LPXN: variants seen among roughly 807,000 people sequenced by gnomAD.
LPXN encodes leupaxin.
LPXN carries 28 observed loss-of-function variants against 45.6 expected under a neutral mutation model. The ratio of observed to expected loss-of-function variants is 0.61; its 90% CI spans 0.45 to 0.84. The LOEUF is 0.84. LPXN is among the 40% of genes least tolerant of loss of function. The probability of loss-of-function intolerance (pLI) is 0.00; values close to 1 mark genes in which losing one functional copy is unlikely to be tolerated. For synonymous variants in LPXN, 166 were observed against 169.9 expected, an observed-to-expected ratio of 0.98 and a Z score of 0.18; for missense variants, 459 against 475.0, an observed-to-expected ratio of 0.97 and a Z score of 0.31.
chr11:58,565,037 C>T (rs1854487181), intron 2 of LPXN, among the ~76,000 whole-genome samples: 1 of 152,038 alleles, frequency 6.6e-6, no homozygotes, highest in Admixed American at 6.6e-5. Context: ...AGTAAAGGGG[C>T]CAGATCATAC....
intron 7 of LPXN, among the ~76,000 whole-genome samples, chr11:58,549,417 C>T (rs1853972599): frequency 6.6e-6 from 1 of 151,888 alleles, no homozygotes; most frequent in African/African-American, 2.4e-5. Flanking sequence ...AAAAAACAAA[C>T]AACAACAACA....
intron 5 of LPXN, 77 bp downstream of exon 5, chr11:58,550,988 T>C: frequency 7.5e-7 from 1 of 1,339,222 alleles, no homozygotes; most frequent in South Asian, 1.7e-5. Context: ...TCTTAAAATA[T>C]AAGGGGAAAG....
In LPXN at chr11:58,562,928, G is replaced by C. The variant is rs561111582; in HGVS notation, c.218+1227C>G. On this transcript the variant is annotated intron_variant, in intron 3 of 8. Transcript: ENST00000395074. ...TCCTGGAGCCTGGAAAACCCAAGGGGTCAGCTCCCCTGGAATACAGAGCAA... is the reference window on the plus strand; with the variant it reads ...TCCTGGAGCCTGGAAAACCCAAGGGCTCAGCTCCCCTGGAATACAGAGCAA... 2.0e-5 allele frequency among the ~76,000 whole-genome samples: 3 copies of C among 152,262 alleles called. No individual in the cohort carries two copies. In the South Asian group the frequency reaches 6.2e-4, roughly 32 times the overall value.
intron 3 of LPXN, among the ~76,000 whole-genome samples, chr11:58,563,911 T>C (rs900850375): frequency 2.0e-5 from 3 of 152,162 alleles, no homozygotes; most frequent in African/African-American, 4.8e-5. Flanking sequence ...TACACTTCTT[T>C]AGGTGGTAAT....
intron 7 of LPXN, among the ~76,000 whole-genome samples, chr11:58,537,748 C>A (rs909120900): frequency 6.6e-6 from 1 of 152,002 alleles, no homozygotes; most frequent in South Asian, 2.1e-4. Flanking sequence ...AAAGACAAAA[C>A]AAGCTACAAA....
At chr11:58,562,384 C>T (rs1222308658) in intron 3 of LPXN, among the ~76,000 whole-genome samples, 3 of 152,074 alleles carry the variant, frequency 2.0e-5, no homozygotes, top group African/African-American at 7.2e-5. Context: ...TATATGCTAG[C>T]CTTGCCAGCT....
At chr11:58,527,972 T>C in intron 8 of LPXN, 71 bp downstream of exon 8, 2 of 1,527,918 alleles carry the variant, frequency 1.3e-6, no homozygotes, top group East Asian at 2.3e-5. Context: ...TTTCACTAAC[T>C]GCAGCTCTTC....
chr11:58,578,579 C>T (rs531472250), upstream of LPXN, among the ~76,000 whole-genome samples: 1 of 152,320 alleles, frequency 6.6e-6, no homozygotes, highest in South Asian at 2.1e-4. Context: ...CTTCTCCGCG[C>T]AAGATCTGGC....
chr11:58,576,409 G>A (rs1049705900), upstream of LPXN, among the ~76,000 whole-genome samples: 2 of 152,110 alleles, frequency 1.3e-5, no homozygotes, highest in East Asian at 1.9e-4. Context: ...ACATCTATAG[G>A]GTGGTCACAA....
chr11:58,574,742 T>C (rs1186115778), intron 1 of LPXN, among the ~76,000 whole-genome samples: 1 of 152,200 alleles, frequency 6.6e-6, no homozygotes, highest in Non-Finnish European at 1.5e-5. Context: ...CAGTTTGATA[T>C]TTATTAAACA....
In LPXN at chr11:58,528,196, A is replaced by G. The variant is rs757379984; in HGVS notation, c.743-5T>C. 3.1e-6 allele frequency: 5 copies of G among 1,612,966 alleles called. No homozygotes were observed. Among genetic ancestry groups the G allele is most frequent in the Non-Finnish European group, 4.2e-6 (5 of 1,179,176 alleles). On this transcript the variant is annotated splice_region_variant and splice_polypyrimidine_tract_variant and intron_variant, in intron 7 of 8. Transcript: ENST00000395074. ...TCTTGTCCTTCTCATGAAAGCCTGGAGAGATAAAATCAGGAATTCACTGTT... is the reference window on the plus strand; with the variant it reads ...TCTTGTCCTTCTCATGAAAGCCTGGGGAGATAAAATCAGGAATTCACTGTT...
chr11:58,578,121 C>G, upstream of LPXN: 1 of 1,517,332 alleles, frequency 6.6e-7, no homozygotes, highest in Non-Finnish European at 8.8e-7. Flanking sequence ...TACGCAGACA[C>G]CCCGAGAAAG....
chr11:58,572,650 T>C (rs923315574), intron 1 of LPXN, among the ~76,000 whole-genome samples: 2 of 152,264 alleles, frequency 1.3e-5, no homozygotes, highest in East Asian at 1.9e-4. Flanking sequence ...GGTGTGATAA[T>C]GGTATTTTAC....
intron 7 of LPXN, among the ~76,000 whole-genome samples, chr11:58,529,295 C>T (rs1443147101): frequency 2.0e-5 from 3 of 152,098 alleles, no homozygotes; most frequent in Non-Finnish European, 2.9e-5. Context: ...ATGGTTTCAA[C>T]TATTGTTGTA....
rs747004593 is a variant in LPXN at position 58,528,136 on chromosome 11, G to A, written c.798C>T (p.Phe266=). 3 of 1,614,198 alleles carry A rather than the reference G, an allele frequency of 1.9e-6. No homozygotes were observed. The change falls in exon 8 of 9, where the codon TTC becomes TTT. Residue 266 remains phenylalanine, a synonymous_variant. Transcript: ENST00000395074. ...PYCRKDFLAM[F]SPKCGGCNRP... is the part of the protein sequence containing the mutation. Reference sequence around the variant, plus strand: ...GATTGCAGCCACCACACTTGGGTGAGAACATGGCTAAGAAATCCTTTCGGC... The same window carrying A: ...GATTGCAGCCACCACACTTGGGTGAAAACATGGCTAAGAAATCCTTTCGGC...
chr11:58,528,144 C>A lies in LPXN; in HGVS notation c.790G>T (p.Ala264Ser), dbSNP rs1853283760. The A allele has an allele frequency of 6.2e-7, 1 of 1,614,100 alleles. No individual in the cohort carries two copies. Among genetic ancestry groups the A allele is most frequent in the African/African-American group, 1.3e-5 (1 of 74,946 alleles). ...KKPYCRKDFL[A>S]MFSPKCGGCN... ...CCACCACACTTGGGTGAGAACATGG[C>A]TAAGAAATCCTTTCGGCAATATGGC... Residue 264 changes from alanine to serine, a missense_variant, in exon 8 of 9, where the codon GCC (alanine) becomes TCC (serine). Physicochemically the swap from Ala to Ser is moderately conservative, Grantham distance 99. Coordinates refer to ENST00000395074, the MANE Select transcript of LPXN (RefSeq NM_004811.3).
intron 7 of LPXN, among the ~76,000 whole-genome samples, chr11:58,535,010 A>T (rs761857366): frequency 2.6e-5 from 4 of 152,200 alleles, no homozygotes; most frequent in Non-Finnish European, 4.4e-5. Context: ...CAAGTTCTGA[A>T]ATTGAGGCAG....
At chr11:58,577,049 C>T (rs1478096760), upstream of LPXN, among the ~76,000 whole-genome samples, 1 of 152,134 alleles carries the variant, frequency 6.6e-6, no homozygotes, top group African/African-American at 2.4e-5. Flanking sequence ...ACTTTGGCAT[C>T]CAAAAGCGCT....
At chr11:58,562,140 T>G (rs777082061) in intron 3 of LPXN, among the ~76,000 whole-genome samples, 1 of 152,206 alleles carries the variant, frequency 6.6e-6, no homozygotes, top group African/African-American at 2.4e-5. Flanking sequence ...CTTATTCCTC[T>G]CGATTATTAC....
Sources: gnomAD v4.1 joint callset for allele counts (sites outside exome capture counted in the v4.1 genomes callset) on GRCh38, gnomAD v4.1.1 for gene constraint, MANE v1.5 for transcripts, NCBI Gene and HGNC (gene_info 2026-07-23, HGNC 2026-07-21) for gene names.